The following CFAP52 variants were observed in gnomAD, a reference collection of about 807,000 sequenced individuals.
The protein encoded by CFAP52 is cilia and flagella associated protein 52.
In CFAP52, 57 loss-of-function variants were observed where a neutral mutation model predicts 70.5. The ratio of observed to expected loss-of-function variants is 0.81; its 90% CI spans 0.65 to 1.01. The LOEUF (loss-of-function observed/expected upper bound fraction) is 1.01. CFAP52 is among the 50% of genes least tolerant of loss of function. The pLI is 0.00. For missense variants in CFAP52, 785 were observed against 788.5 expected, an observed-to-expected ratio of 1.00 and a Z score of 0.05; for synonymous variants, 267 against 292.5, an observed-to-expected ratio of 0.91 and a Z score of 0.89.
At chr17:9,638,529 A>C in intron 11 of CFAP52, 80 bp from the exon 12 acceptor site, 4 of 1,389,626 alleles carry the variant, frequency 2.9e-6, no homozygotes, top group South Asian at 2.4e-5. Flanking sequence ...CCCAGCTTGC[A>C]CCAAATCCAG....
chr17:9,600,810 A>G (rs1365783324), intron 6 of CFAP52, among the ~76,000 whole-genome samples: 1 of 152,188 alleles, frequency 6.6e-6, no homozygotes. Context: ...GTGGGAAAAC[A>G]TAAAAAGTCA....
At chr17:9,583,349 C>G (rs1355893288) in intron 1 of CFAP52, among the ~76,000 whole-genome samples, 1 of 151,950 alleles carries the variant, frequency 6.6e-6, no homozygotes, top group Non-Finnish European at 1.5e-5. Context: ...CTACAGGAAT[C>G]ACATAAAGCA....
At chr17:9,644,767 C>T (rs1911245922), downstream of CFAP52, 1 of 152,128 alleles carries the variant, frequency 6.6e-6, no homozygotes, top group Non-Finnish European at 1.5e-5. Flanking sequence ...CTGGAAAGGG[C>T]CTGAACTTGG....
downstream of CFAP52, among the ~76,000 whole-genome samples, chr17:9,643,797 G>C (rs369740067): frequency 6.6e-6 from 1 of 152,232 alleles, no homozygotes; most frequent in Non-Finnish European, 1.5e-5. Flanking sequence ...AATGTGTGGT[G>C]TTGGGGATCT....
chr17:9,598,190 G>A (rs754278144), intron 4 of CFAP52, 44 bp from the exon 5 acceptor site: 1 of 1,438,118 alleles, frequency 7.0e-7, no homozygotes, highest in Non-Finnish European at 9.6e-7. Flanking sequence ...TTATTAAATG[G>A]GTGTCCATTT....
At chr17:9,630,486 G>A (rs1277673712) in intron 9 of CFAP52, among the ~76,000 whole-genome samples, 4 of 147,556 alleles carry the variant, frequency 2.7e-5, no homozygotes, top group Admixed American at 1.3e-4. Context: ...CTGGAGTGCG[G>A]TGGCGCGATC....
intron 8 of CFAP52, among the ~76,000 whole-genome samples, chr17:9,622,614 T>G (rs1019440833): frequency 6.6e-6 from 1 of 151,890 alleles, no homozygotes; most frequent in African/African-American, 2.4e-5. Flanking sequence ...AAAAGAAAAT[T>G]TGGTCCCTGC....
At chr17:9,628,552 C>A in intron 8 of CFAP52, 120 bp from the exon 9 acceptor site, 1 of 1,363,668 alleles carries the variant, frequency 7.3e-7, no homozygotes, top group Non-Finnish European at 1.0e-6. Flanking sequence ...GCTGGGATTA[C>A]AGGTTTGAGC....
At chr17:9,576,836 T>G (rs1907969834) in intron 1 of CFAP52, 71 bp downstream of exon 1, 1 of 1,496,914 alleles carries the variant, frequency 6.7e-7, no homozygotes, top group Non-Finnish European at 9.1e-7. Flanking sequence ...ACAGGAATAG[T>G]GAGACACCGG....
intron 7 of CFAP52, among the ~76,000 whole-genome samples, chr17:9,608,511 A>G (rs1388921345): frequency 6.6e-6 from 1 of 152,198 alleles, no homozygotes; most frequent in African/African-American, 2.4e-5. Context: ...GATGAAAGGA[A>G]CGGGATGTTA....
chr17:9,632,203 G>A (rs566677704), intron 9 of CFAP52, among the ~76,000 whole-genome samples: 11 of 151,264 alleles, frequency 7.3e-5, no homozygotes, highest in East Asian at 1.9e-4. Flanking sequence ...TCAGCCTCCC[G>A]AGTAGCTAGG....
At chr17:9,637,934 C>G (rs1016889837) in intron 11 of CFAP52, among the ~76,000 whole-genome samples, 2 of 152,130 alleles carry the variant, frequency 1.3e-5, no homozygotes, top group African/African-American at 4.8e-5. Flanking sequence ...TTGCGGGAGG[C>G]CAGCTCCCTC....
intron 13 of CFAP52, 57 bp from the exon 14 acceptor site, chr17:9,642,966 G>A: frequency 7.2e-7 from 1 of 1,394,474 alleles, no homozygotes; most frequent in Non-Finnish European, 9.5e-7. Flanking sequence ...TTTGAAATCA[G>A]GGCTGTTTCT....
intron 8 of CFAP52, among the ~76,000 whole-genome samples, chr17:9,624,698 T>C (rs1351488404): frequency 1.3e-5 from 2 of 152,070 alleles, no homozygotes; most frequent in Admixed American, 6.6e-5. Flanking sequence ...GACTCTGCCT[T>C]TTTTTTGAGT....
intron 8 of CFAP52, among the ~76,000 whole-genome samples, chr17:9,627,792 C>T (rs1910295529): frequency 6.6e-6 from 1 of 152,182 alleles, no homozygotes; most frequent in African/African-American, 2.4e-5. Context: ...ACGATCATAG[C>T]TCAATGCAGT....
intron 1 of CFAP52, 131 bp from the exon 2 acceptor site, chr17:9,585,642 A>G (rs186551005): frequency 2.2e-6 from 2 of 915,998 alleles, no homozygotes; most frequent in East Asian, 4.8e-5. Flanking sequence ...ATTGCACCCC[A>G]GGCTGGGTGA....
chr17:9,578,884 A>C (rs1289163512), intron 1 of CFAP52, among the ~76,000 whole-genome samples: 1 of 152,122 alleles, frequency 6.6e-6, no homozygotes, highest in Non-Finnish European at 1.5e-5. Context: ...TCCTGTTTAT[A>C]ATTTGATATC....
intron 8 of CFAP52, among the ~76,000 whole-genome samples, chr17:9,622,183 T>C (rs1477429802): frequency 6.6e-6 from 1 of 152,192 alleles, no homozygotes; most frequent in African/African-American, 2.4e-5. Context: ...TCTCTCTCTC[T>C]CTTTTTAACA....
chr17:9,630,855 G>A (rs1362160781), intron 9 of CFAP52, among the ~76,000 whole-genome samples: 2 of 149,736 alleles, frequency 1.3e-5, no homozygotes, highest in African/African-American at 4.9e-5. Context: ...GCGTGGTGGC[G>A]GGAGCCTGTA....
Sources: allele counts gnomAD v4.1 joint callset (sites outside exome capture counted in the v4.1 genomes callset), GRCh38; gene constraint gnomAD v4.1.1; transcripts MANE v1.5; gene names NCBI Gene and HGNC (gene_info 2026-07-23, HGNC 2026-07-21).